The following RANGAP1 variants were observed in gnomAD, a reference collection of about 807,000 sequenced individuals.
RANGAP1 encodes ran GTPase-activating protein 1.
A neutral mutation model predicts 63.5 loss-of-function variants in RANGAP1; 38 were observed. The ratio of observed to expected loss-of-function variants is 0.60; its 90% CI spans 0.46 to 0.78. RANGAP1 has a LOEUF of 0.78. RANGAP1 is among the 30% of genes least tolerant of loss of function. The pLI is 0.00. For synonymous variants in RANGAP1, 329 were observed against 310.5 expected (o/e 1.06, Z -0.63); for missense variants, 630 against 740.3 (o/e 0.85, Z 1.73).
chr22:41,281,573 T>G (rs776121400), intron 1 of RANGAP1: 75 of 988,604 alleles, frequency 7.6e-5, no homozygotes, highest in Non-Finnish European at 8.8e-5. Flanking sequence ...CACGCTGGCA[T>G]GACTCTGGGG....
intron 4 of RANGAP1, among the ~76,000 whole-genome samples, chr22:41,267,674 A>G (rs577117593): frequency 6.6e-6 from 1 of 152,150 alleles, no homozygotes; most frequent in Non-Finnish European, 1.5e-5. Context: ...TGGTACGGAG[A>G]AAGGGAGGAG....
Position 41,264,765 on chromosome 22 carries a change from C to T in RANGAP1, c.379G>A (p.Asp127Asn), listed in dbSNP as rs749308461. Residue 127 changes from aspartate (D) to asparagine (N), a missense_variant, in exon 5 of 16, where the codon GAC (aspartate) becomes AAC (asparagine). Asp to Asn is a conservative substitution (Grantham distance 23, BLOSUM62 1). Around this residue, in one of 3 missense-constraint regions of RANGAP1, gnomAD observed 137 missense variants for 214.3 expected, o/e 0.64. Coordinates refer to ENST00000356244, the MANE Select transcript of RANGAP1 (RefSeq NM_002883.4). ...AGGGCCTCGAAGCCTTGCACACCGT[C>T]GGGCCCGAATGCGTTGTCGCTTAAG... Reference protein sequence around the residue: ...LDLSDNAFGPDGVQGFEALLK... With the variant: ...LDLSDNAFGPNGVQGFEALLK... 4 of 1,614,018 alleles carry T rather than the reference C, an allele frequency of 2.5e-6. No individual in the cohort carries two copies. Among genetic ancestry groups the T allele is most frequent in the South Asian group, 2.2e-5 (2 of 91,092 alleles).
At position 41,281,039 on chromosome 22, in the gene RANGAP1, G is replaced by A. The variant is rs763864349; in HGVS notation, c.6C>T (p.Ala2=). The A allele has an allele frequency of 2.2e-5, 36 of 1,600,626 alleles. No homozygotes were observed. The Admixed American group carries it at 5.8e-4, about 26-fold the overall frequency. ...CTGCCAGCTTGGCAATGTCTTCCGA[G>A]GCCATGTTGACTAGGCTGGTGGGCT... M[A]SEDIAKLAET... The change falls in exon 2 of 16, where the codon GCC becomes GCT. Residue 2 remains alanine, a synonymous_variant. Coordinates refer to ENST00000356244, the MANE Select transcript of RANGAP1 (RefSeq NM_002883.4).
At chr22:41,277,820 C>A (rs1216111939) in intron 2 of RANGAP1, among the ~76,000 whole-genome samples, 2 of 152,206 alleles carry the variant, frequency 1.3e-5, no homozygotes, top group African/African-American at 4.8e-5. Flanking sequence ...CCCTGCCTTA[C>A]TTCCCAGAGC....
chr22:41,291,555 G>A, the RANGAP1 span, among the ~76,000 whole-genome samples: 8 of 137,752 alleles, frequency 5.8e-5, 1 homozygote, highest in South Asian at 9.4e-4. Flanking sequence ...CCGAGATCAC[G>A]CCACTGCACT....
chr22:41,299,970 C>T, the RANGAP1 span, among the ~76,000 whole-genome samples: 3 of 151,892 alleles, frequency 2.0e-5, no homozygotes, highest in Non-Finnish European at 4.4e-5. Flanking sequence ...CCAGGATGGT[C>T]TCGATCTCCT....
At chr22:41,273,586 T>C (rs529248733) in intron 3 of RANGAP1, among the ~76,000 whole-genome samples, 1 of 150,656 alleles carries the variant, frequency 6.6e-6, no homozygotes, top group Non-Finnish European at 1.5e-5. Flanking sequence ...GCCAACATAG[T>C]GAAACCCCGT....
chr22:41,261,339 G>C, intron 6 of RANGAP1, 107 bp downstream of exon 6: 1 of 1,525,070 alleles, frequency 6.6e-7, no homozygotes, highest in Non-Finnish European at 8.9e-7. Context: ...TGACGCCCCA[G>C]GTCTCTTGGT....
At chr22:41,274,009 C>A (rs8141201) in intron 3 of RANGAP1, among the ~76,000 whole-genome samples, 2 of 152,092 alleles carry the variant, frequency 1.3e-5, no homozygotes, top group Non-Finnish European at 2.9e-5. Context: ...ACCCAGGAGG[C>A]GGAGATTGCA....
At chr22:41,285,560 G>A in intron 1 of RANGAP1, 4 of 985,482 alleles carry the variant, frequency 4.1e-6, no homozygotes, top group Non-Finnish European at 4.8e-6. Context: ...TCCAGGGACA[G>A]CGGCGCCAGC....
chr22:41,264,568 C>G (rs2034355653), intron 5 of RANGAP1, 96 bp downstream of exon 5: 4 of 1,405,590 alleles, frequency 2.8e-6, no homozygotes, highest in Non-Finnish European at 3.8e-6. Flanking sequence ...CAACGGCTGA[C>G]CATCCCAGAT....
chr22:41,278,571 A>G (rs531697358), intron 2 of RANGAP1, among the ~76,000 whole-genome samples: 1 of 152,260 alleles, frequency 6.6e-6, no homozygotes. Flanking sequence ...ACGGAGCTCA[A>G]TGTCTAATTA....
intron 11 of RANGAP1, 137 bp from the exon 12 acceptor site, chr22:41,253,128 C>T: frequency 1.1e-6 from 1 of 918,560 alleles, no homozygotes; most frequent in South Asian, 3.8e-5. Context: ...TTCTTCCTCC[C>T]ACTCAGCTGC....
the RANGAP1 span, among the ~76,000 whole-genome samples, chr22:41,301,074 A>C: frequency 6.6e-6 from 1 of 152,134 alleles, no homozygotes; most frequent in African/African-American, 2.4e-5. Flanking sequence ...AGTCTTTAAC[A>C]AGTGTCATTC....
chr22:41,274,757 G>A (rs2035039277), intron 2 of RANGAP1, 30 bp from the exon 3 acceptor site: 3 of 1,611,898 alleles, frequency 1.9e-6, no homozygotes, highest in South Asian at 1.1e-5. Flanking sequence ...AGAACCTTAG[G>A]CTTTTGGAAT....
chr22:41,256,889 C>A, intron 7 of RANGAP1, 65 bp from the exon 8 acceptor site: 1 of 1,366,276 alleles, frequency 7.3e-7, no homozygotes, highest in Non-Finnish European at 1.0e-6. Flanking sequence ...CAGCAAGCCC[C>A]GGGGGCCCCA....
chr22:41,274,506 G>C, intron 3 of RANGAP1, 94 bp downstream of exon 3: 1 of 1,541,402 alleles, frequency 6.5e-7, no homozygotes, highest in Non-Finnish European at 8.8e-7. Context: ...CACAGGCAGG[G>C]GCCTGGAAGA....
the RANGAP1 span, among the ~76,000 whole-genome samples, chr22:41,298,656 C>T: frequency 6.6e-6 from 1 of 152,014 alleles, no homozygotes; most frequent in Non-Finnish European, 1.5e-5. Flanking sequence ...TTAGCCACCA[C>T]GCCCGGCCAA....
the RANGAP1 span, among the ~76,000 whole-genome samples, chr22:41,294,691 C>T: frequency 1.4e-5 from 2 of 142,330 alleles, no homozygotes; most frequent in African/African-American, 2.6e-5. Flanking sequence ...GTGGGGAGCA[C>T]CTCTGCCCTG....
Sources: gnomAD v4.1 joint callset for allele counts (sites outside exome capture counted in the v4.1 genomes callset) on GRCh38, gnomAD v4.1.1 for gene constraint, gnomAD v4.1.1 regional missense constraint, MANE v1.5 for transcripts, NCBI Gene and HGNC (gene_info 2026-07-23, HGNC 2026-07-21) for gene names.